The following SETDB2 variants were observed in gnomAD, a reference collection of about 807,000 sequenced individuals.
SETDB2 encodes the protein SET domain bifurcated histone lysine methyltransferase 2, also known as histone-lysine N-methyltransferase SETDB2.
Under a neutral mutation model 82.5 loss-of-function variants are expected in SETDB2, and 56 were observed. The observed-to-expected ratio is 0.68, with a 90% CI of 0.55 to 0.85. SETDB2 has a LOEUF of 0.85. SETDB2 is among the 40% of genes least tolerant of loss of function. The pLI, the probability that SETDB2 is intolerant of heterozygous loss-of-function variation, is 0.00. For synonymous variants in SETDB2, 272 were observed against 284.9 expected (o/e 0.95, Z 0.46); for missense variants, 677 against 816.4 (o/e 0.83, Z 2.08).
At chr13:49,461,557 G>A (rs533331454) in intron 4 of SETDB2, among the ~76,000 whole-genome samples, 26 of 152,154 alleles carry the variant, frequency 1.7e-4, no homozygotes, top group Non-Finnish European at 3.2e-4. Flanking sequence ...ATTGCTTTTA[G>A]ACCATCAGTC....
chr13:49,445,332 GAAATGGT>G (rs1299125937), intron 1 of SETDB2, among the ~76,000 whole-genome samples: 1 of 152,172 alleles, frequency 6.6e-6, no homozygotes, highest in Non-Finnish European at 1.5e-5. Flanking sequence ...GAGCCGAGAG[GAAATGGT>G]AAACGTGTTT....
At chr13:49,488,208 A>G in intron 11 of SETDB2, 82 bp from the exon 12 acceptor site, 5 of 1,490,518 alleles carry the variant, frequency 3.4e-6, no homozygotes, top group Non-Finnish European at 4.4e-6. Flanking sequence ...TAAAGCACCT[A>G]GCATCTAATT....
At chr13:49,475,273 C>T (rs910033261) in intron 5 of SETDB2, among the ~76,000 whole-genome samples, 2 of 152,146 alleles carry the variant, frequency 1.3e-5, no homozygotes, top group African/African-American at 4.8e-5. Flanking sequence ...TCAATTACCT[C>T]CCACCAGGTC....
intron 5 of SETDB2, 94 bp from the exon 6 acceptor site, chr13:49,476,382 T>C: frequency 1.2e-6 from 1 of 828,294 alleles, no homozygotes; most frequent in Non-Finnish European, 1.9e-6. Flanking sequence ...CTTATTTTAA[T>C]ATTGTCTAAG....
At chr13:49,453,381 C>G (rs995660177) in intron 2 of SETDB2, among the ~76,000 whole-genome samples, 1 of 151,870 alleles carries the variant, frequency 6.6e-6, no homozygotes, top group Non-Finnish European at 1.5e-5. Context: ...ACTGCAACCT[C>G]TGCCTCCTGG....
intron 3 of SETDB2, 124 bp from the exon 4 acceptor site, chr13:49,460,973 T>G (rs1024953862): frequency 1.6e-6 from 1 of 642,516 alleles, no homozygotes; most frequent in Non-Finnish European, 2.7e-6. Flanking sequence ...CTAATGCAGA[T>G]AGTCCTATTA....
chr13:49,460,342 T>C, intron 3 of SETDB2, 110 bp downstream of exon 3: 1 of 1,155,406 alleles, frequency 8.7e-7, no homozygotes, highest in East Asian at 2.9e-5. Context: ...ATGGATGTAA[T>C]TACTTTTGAA....
intron 5 of SETDB2, among the ~76,000 whole-genome samples, chr13:49,468,912 G>T (rs1335354914): frequency 6.6e-6 from 1 of 151,780 alleles, no homozygotes; most frequent in Non-Finnish European, 1.5e-5. Flanking sequence ...AATATACAGT[G>T]TAAAATTTTG....
chr13:49,487,748 A>G (rs563644142), intron 11 of SETDB2, among the ~76,000 whole-genome samples: 1 of 152,370 alleles, frequency 6.6e-6, no homozygotes, highest in Admixed American at 6.5e-5. Flanking sequence ...CAAAGGTGTA[A>G]TTATTGAATG....
intron 2 of SETDB2, among the ~76,000 whole-genome samples, chr13:49,454,414 A>G (rs1439887344): frequency 6.6e-6 from 1 of 152,152 alleles, no homozygotes; most frequent in Non-Finnish European, 1.5e-5. Context: ...CTCAAAATAA[A>G]TAAATAAATA....
At chr13:49,463,937 C>T (rs1199854978) in intron 4 of SETDB2, 1 of 705,106 alleles carries the variant, frequency 1.4e-6, no homozygotes, top group Non-Finnish European at 2.6e-6. Context: ...CCTATTGCTG[C>T]CTCTGGGATA....
At chr13:49,482,701 C>A in intron 8 of SETDB2, 36 bp from the exon 9 acceptor site, 1 of 1,338,286 alleles carries the variant, frequency 7.5e-7, no homozygotes, top group African/African-American at 1.5e-5. Flanking sequence ...CAATTATCTT[C>A]TGTGTTGTTC....
At chr13:49,483,066 AT>A (rs1384631313) in intron 9 of SETDB2, 104 bp downstream of exon 9, 1 of 774,952 alleles carries the variant, frequency 1.3e-6, no homozygotes, top group African/African-American at 1.8e-5. Context: ...TGTATTTATC[AT>A]TTTGCTTCAA....
intron 6 of SETDB2, 24 bp from the exon 7 acceptor site, chr13:49,480,195 C>A: frequency 6.8e-7 from 1 of 1,478,960 alleles, no homozygotes; most frequent in South Asian, 1.2e-5. Context: ...TTCATTCTTT[C>A]TCCATCCATT....
At chr13:49,475,574 C>T (rs1403748536) in intron 5 of SETDB2, among the ~76,000 whole-genome samples, 1 of 151,770 alleles carries the variant, frequency 6.6e-6, no homozygotes, top group Non-Finnish European at 1.5e-5. Context: ...GTAGCCTCAA[C>T]CTCCCGAGTC....
chr13:49,488,162 A>G, intron 11 of SETDB2, 128 bp from the exon 12 acceptor site: 1 of 1,321,412 alleles, frequency 7.6e-7, no homozygotes. Context: ...AATTAAAATA[A>G]TACTACCTGC....
At chr13:49,472,071 AT>A in intron 5 of SETDB2, among the ~76,000 whole-genome samples, 1 of 150,622 alleles carries the variant, frequency 6.6e-6, no homozygotes, top group African/African-American at 2.4e-5. Flanking sequence ...GCACCCAACC[AT>A]TTTTTTTAAT....
Position 49,480,341 on chromosome 13 carries a change from G to A in SETDB2, c.986+6G>A, listed in dbSNP as rs1414628983. 1.9e-6 allele frequency: 3 copies of A among 1,545,094 alleles called. No individual in the cohort carries two copies. Among genetic ancestry groups the A allele is most frequent in the African/African-American group, 1.4e-5 (1 of 72,458 alleles). On this transcript the variant is annotated splice_donor_region_variant and intron_variant, in intron 7 of 13. Transcript: ENST00000611815. ...CAGAGACAGATTCCTACTGGGTAAG[G>A]TACCTTGAGGATTTGTTGCAGGGTG...
chr13:49,471,254 G>A (rs1309701227), intron 5 of SETDB2, among the ~76,000 whole-genome samples: 1 of 151,842 alleles, frequency 6.6e-6, no homozygotes, highest in Admixed American at 6.6e-5. Context: ...TGGGATTACA[G>A]GCATGAGCCA....
Sources: allele counts gnomAD v4.1 joint callset (sites outside exome capture counted in the v4.1 genomes callset), GRCh38; gene constraint gnomAD v4.1.1; transcripts MANE v1.5; gene names NCBI Gene and HGNC (gene_info 2026-07-23, HGNC 2026-07-21).